Variants in GUCY1A2 observed in about 807,000 individuals in gnomAD.
The protein encoded by GUCY1A2 is guanylate cyclase 1 soluble subunit alpha 2.
A neutral mutation model predicts 63.5 loss-of-function variants in GUCY1A2; 27 were observed. That is an observed-to-expected ratio of 0.43 (90% CI 0.31 to 0.59). GUCY1A2 has a LOEUF of 0.59. GUCY1A2 is among the 20% of genes least tolerant of loss of function. The pLI is 0.11. For synonymous variants in GUCY1A2, 364 were observed against 343.5 expected, an observed-to-expected ratio of 1.06 and a Z score of -0.66; for missense variants, 768 against 913.3, an observed-to-expected ratio of 0.84 and a Z score of 2.05.
chr11:106,702,530 C>CTTAGTAG (rs1862833311), intron 7 of GUCY1A2, among the ~76,000 whole-genome samples: 1 of 152,120 alleles, frequency 6.6e-6, no homozygotes, highest in East Asian at 1.9e-4. Context: ...TTAGTCTTCT[C>CTTAGTAG]AAGCCAAGGG....
chr11:106,792,569 T>C (rs1440771187), intron 5 of GUCY1A2, among the ~76,000 whole-genome samples: 1 of 152,038 alleles, frequency 6.6e-6, no homozygotes, highest in African/African-American at 2.4e-5. Context: ...TCAACATCCA[T>C]TCATGTTAAA....
intron 6 of GUCY1A2, among the ~76,000 whole-genome samples, chr11:106,713,496 C>CTTTTTTTTTTTTTTTTT (rs143909145): frequency 2.6e-5 from 2 of 78,394 alleles, no homozygotes; most frequent in African/African-American, 1.1e-4. Context: ...TAGTATGTTT[C>CTTTTTTTTTTTTTTTTT]TTTTTTTTTT....
chr11:106,751,350 T>C (rs1863878459), intron 6 of GUCY1A2, among the ~76,000 whole-genome samples: 1 of 152,090 alleles, frequency 6.6e-6, no homozygotes, highest in South Asian at 2.1e-4. Context: ...TGATATACAA[T>C]AGAACTGGAA....
chr11:106,776,303 G>T, intron 6 of GUCY1A2, 136 bp downstream of exon 6: 3 of 630,920 alleles, frequency 4.8e-6, no homozygotes, highest in South Asian at 2.1e-5. Flanking sequence ...GTTATCTCTA[G>T]TCACTCCTTG....
At chr11:106,867,769 T>C (rs1489176213) in intron 4 of GUCY1A2, among the ~76,000 whole-genome samples, 1 of 152,028 alleles carries the variant, frequency 6.6e-6, no homozygotes. Flanking sequence ...GTTGATTTTA[T>C]ATCAAAGACT....
At chr11:106,793,470 C>T (rs903351660) in intron 5 of GUCY1A2, among the ~76,000 whole-genome samples, 1 of 151,920 alleles carries the variant, frequency 6.6e-6, no homozygotes, top group Admixed American at 6.6e-5. Context: ...AACAACAACA[C>T]AGTCAACAAA....
intron 6 of GUCY1A2, among the ~76,000 whole-genome samples, chr11:106,723,811 C>T (rs778877119): frequency 1.8e-4 from 28 of 151,400 alleles, no homozygotes; most frequent in Non-Finnish European, 2.5e-4. Context: ...GCAACAAGAG[C>T]GAAACTCCAT....
rs1206948768 is a variant in GUCY1A2 at position 106,846,264 on chromosome 11, T to C, written c.1207-35786A>G. ...TTAATTTTGGGGGGTACTGTGACTA[T>C]GTAGATGAATCATCTTCTTTGGAGA... On this transcript the variant is annotated intron_variant, in intron 4 of 7. Transcript: ENST00000526355. 9.9e-5 allele frequency among the ~76,000 whole-genome samples: 15 copies of C among 151,798 alleles called. No homozygotes were observed. The East Asian group carries it at 2.9e-3, about 29-fold the overall frequency.
In GUCY1A2 at chr11:106,693,135, G is replaced by A. The variant is rs143332427; in HGVS notation, c.1992-5379C>T. 2.2e-3 allele frequency among the ~76,000 whole-genome samples: 331 copies of A among 152,324 alleles called. 4 individuals carry two copies. The highest frequency in any genetic ancestry group is 0.019 in the Admixed American group (297 of 15,308). ...AGCTACTGCTCACCAAGCGATACTT[G>A]AAGGGCAAAGGAAGAGGCAGTAGAA... On this transcript the variant is annotated intron_variant, in intron 7 of 7. Coordinates refer to ENST00000526355, the MANE Select transcript of GUCY1A2 (RefSeq NM_000855.3).
chr11:106,691,110 A>G (rs1862615611), intron 7 of GUCY1A2, among the ~76,000 whole-genome samples: 1 of 152,212 alleles, frequency 6.6e-6, no homozygotes. Flanking sequence ...AATGTGTAAT[A>G]TATAGGTGTC....
chr11:106,780,003 A>T (rs112520785), intron 5 of GUCY1A2, among the ~76,000 whole-genome samples: 49 of 152,184 alleles, frequency 3.2e-4, no homozygotes, highest in African/African-American at 1.2e-3. Context: ...CAACAGTGAG[A>T]CCTCAATCTT....
intron 4 of GUCY1A2, among the ~76,000 whole-genome samples, chr11:106,811,489 A>G (rs994003027): frequency 1.3e-5 from 2 of 152,136 alleles, no homozygotes; most frequent in African/African-American, 2.4e-5. Flanking sequence ...ATGTTCCACT[A>G]CTACATGGAA....
At chr11:106,695,015 G>A (rs1156967201) in intron 7 of GUCY1A2, among the ~76,000 whole-genome samples, 25 of 152,148 alleles carry the variant, frequency 1.6e-4, no homozygotes, top group Non-Finnish European at 2.9e-5. Flanking sequence ...GCATGCATGT[G>A]TGCATGTAAA....
intron 4 of GUCY1A2, among the ~76,000 whole-genome samples, chr11:106,834,761 T>C (rs1859095536): frequency 6.6e-6 from 1 of 151,990 alleles, no homozygotes; most frequent in Non-Finnish European, 1.5e-5. Flanking sequence ...TGAAAGCGCA[T>C]ACTTAAGATA....
chr11:106,946,161 G>A (rs920196564), intron 3 of GUCY1A2, among the ~76,000 whole-genome samples: 4 of 152,024 alleles, frequency 2.6e-5, no homozygotes, highest in African/African-American at 9.7e-5. Flanking sequence ...AGGGGATTTG[G>A]GGGGATAGGA....
intron 3 of GUCY1A2, among the ~76,000 whole-genome samples, chr11:106,954,204 G>T (rs1451294229): frequency 6.6e-6 from 1 of 152,072 alleles, no homozygotes; most frequent in African/African-American, 2.4e-5. Context: ...AGAGATTCTG[G>T]TATGTTGTCT....
rs562279191 is a variant in GUCY1A2, at chr11:106,874,761, C to T, written c.1207-64283G>A. ...ATGGGGTGATAAGAAAGGAGAGCCA[C>T]TAAAAGAAAAAAAAACTGGAAAAAA... is the stretch of plus-strand genomic sequence containing the variant. On this transcript the variant is annotated intron_variant, in intron 4 of 7. Coordinates refer to ENST00000526355, the MANE Select transcript of GUCY1A2 (RefSeq NM_000855.3). Among the ~76,000 whole-genome samples the T allele has an allele frequency of 2.0e-5, 3 of 150,630 alleles. No homozygotes were observed. In the East Asian group the frequency reaches 5.9e-4, roughly 29 times the overall value.
At chr11:106,898,775 G>A (rs1306343393) in intron 4 of GUCY1A2, among the ~76,000 whole-genome samples, 1 of 152,062 alleles carries the variant, frequency 6.6e-6, no homozygotes, top group Non-Finnish European at 1.5e-5. Context: ...CTATAATGGT[G>A]GACATGTCAT....
chr11:106,896,080 C>T (rs1000634725), intron 4 of GUCY1A2, among the ~76,000 whole-genome samples: 12 of 150,376 alleles, frequency 8.0e-5, no homozygotes, highest in African/African-American at 2.4e-4. Flanking sequence ...CGTATATATT[C>T]ACAAATCAAA....
Sources: allele counts gnomAD v4.1 joint callset (sites outside exome capture counted in the v4.1 genomes callset), GRCh38; gene constraint gnomAD v4.1.1; transcripts MANE v1.5; gene names NCBI Gene and HGNC (gene_info 2026-07-23, HGNC 2026-07-21).